COPZ1: variants seen among roughly 807,000 people sequenced by gnomAD.
COPZ1 encodes coatomer subunit zeta-1.
Under a neutral mutation model 31.7 loss-of-function variants are expected in COPZ1, and 4 were observed. The observed-to-expected ratio is 0.13, with a 90% confidence interval of 0.06 to 0.29. COPZ1 has a LOEUF of 0.29. Among genes scored for constraint, COPZ1 ranks in the 10% least tolerant of loss-of-function variants. COPZ1 has a pLI of 1.00. For missense variants in COPZ1, 156 were observed against 211.5 expected (o/e 0.74, Z 1.63); for synonymous variants, 74 against 79.0 (o/e 0.94, Z 0.33).
chr12:54,325,144 G>C lies in COPZ1; in HGVS notation c.-20G>C, dbSNP rs776758894. Reference sequence around the variant, plus strand: ...GGCGTTTCTTTTGCGGCTCCACGTCGGCACCAGCTGCGGGGCAAGATGGAG... The same window carrying C: ...GGCGTTTCTTTTGCGGCTCCACGTCCGCACCAGCTGCGGGGCAAGATGGAG... On this transcript the variant is annotated 5_prime_UTR_variant, in exon 1 of 9. Coordinates refer to ENST00000262061, the MANE Select transcript of COPZ1 (RefSeq NM_016057.3). 4 of 1,561,592 alleles carry C rather than the reference G, an allele frequency of 2.6e-6. No individual in the cohort carries two copies. The South Asian group carries it at 3.5e-5, about 14-fold the overall frequency.
At chr12:54,343,451 TCCCA>T in intron 4 of COPZ1, 135 bp downstream of exon 4, 1 of 701,978 alleles carries the variant, frequency 1.4e-6, no homozygotes, top group Admixed American at 2.5e-5. Flanking sequence ...TTGTCAGAGA[TCCCA>T]CCAGCCTCAC....
chr12:54,336,071 A>C (rs761642073), intron 1 of COPZ1, among the ~76,000 whole-genome samples: 12 of 152,140 alleles, frequency 7.9e-5, no homozygotes, highest in Non-Finnish European at 1.5e-4. Context: ...AAATGAATCA[A>C]ATAATTCATT....
chr12:54,325,206 A>T (rs1190821320), intron 1 of COPZ1, 25 bp downstream of exon 1: 1 of 1,555,522 alleles, frequency 6.4e-7, no homozygotes, highest in Non-Finnish European at 8.7e-7. Flanking sequence ...GGCAGCAGAG[A>T]TGCTGTGGTG....
chr12:54,350,351 G>A (rs1168882302), intron 8 of COPZ1, 125 bp from the exon 9 acceptor site: 3 of 830,538 alleles, frequency 3.6e-6, no homozygotes, highest in Non-Finnish European at 6.3e-6. Flanking sequence ...CTTTACCCTT[G>A]GGGATTTTCT....
intron 8 of COPZ1, chr12:54,350,260 T>C (rs761648789): frequency 5.4e-5 from 39 of 716,970 alleles, no homozygotes; most frequent in Non-Finnish European, 9.2e-5. Flanking sequence ...ACCTCTTCTC[T>C]CTTCATCCCC....
At chr12:54,349,703 A>G (rs1393543347) in intron 8 of COPZ1, 45 bp downstream of exon 8, 5 of 1,486,524 alleles carry the variant, frequency 3.4e-6, no homozygotes, top group Non-Finnish European at 4.7e-6. Flanking sequence ...GGGTCACTAA[A>G]GAGGCTAGAA....
At chr12:54,342,086 T>C in intron 2 of COPZ1, 120 bp from the exon 3 acceptor site, 1 of 694,520 alleles carries the variant, frequency 1.4e-6, no homozygotes, top group South Asian at 1.7e-5. Flanking sequence ...ATGTCAGTAT[T>C]TCTCCCTTGC....
intron 1 of COPZ1, 79 bp from the exon 2 acceptor site, chr12:54,340,468 G>C (rs764911919): frequency 2.5e-6 from 4 of 1,590,466 alleles, no homozygotes; most frequent in Admixed American, 3.7e-5. Flanking sequence ...TGCAGCCCCA[G>C]TGGGACTAGG....
chr12:54,343,271 T>C lies in COPZ1; in HGVS notation c.216T>C (p.Ser72=), dbSNP rs1434631892. The C allele has an allele frequency of 3.1e-6, 5 of 1,614,094 alleles. No homozygotes were observed. Among genetic ancestry groups the C allele is most frequent in the Non-Finnish European group, 4.2e-6 (5 of 1,179,954 alleles). The change falls in exon 4 of 9, where the codon AGT becomes AGC. Residue 72 remains serine (S), a synonymous_variant. Transcript: ENST00000262061. The part of the protein sequence containing the change: ...LEGLTVVYKS[S]IDLYFYVIGS... ...GCCTGACAGTGGTATACAAAAGCAG[T>C]ATAGATCTCTATTTCTATGTGATTG...
chr12:54,349,649 C>T lies in COPZ1; in HGVS notation c.477C>T (p.Thr159=), dbSNP rs115975751. 9.4e-5 allele frequency: 151 copies of T among 1,612,518 alleles called. 1 individual carries two copies. The African/African-American group carries it at 1.7e-3, about 18-fold the overall frequency. ...RGEDVPLTEQ[T]VSQVLQSAKE... ...AAGATGTCCCCCTTACGGAGCAGAC[C>T]GTGTCTCAGGTATGACTCTCCCTTC... Residue 159 remains threonine (T), a synonymous_variant, in exon 8 of 9, where the codon ACC becomes ACT. Transcript: ENST00000262061.
At chr12:54,328,005 G>T (rs1015072573) in intron 1 of COPZ1, among the ~76,000 whole-genome samples, 5 of 152,092 alleles carry the variant, frequency 3.3e-5, no homozygotes, top group African/African-American at 1.2e-4. Context: ...CAGTGCAGTG[G>T]CTCATGCCTG....
intron 8 of COPZ1, chr12:54,350,121 GT>G: frequency 3.2e-6 from 2 of 628,058 alleles, no homozygotes; most frequent in East Asian, 5.4e-5. Context: ...GAAGGGAGGG[GT>G]TCCGTTTTCT....
intron 1 of COPZ1, among the ~76,000 whole-genome samples, chr12:54,333,557 T>C (rs972347951): frequency 6.6e-6 from 1 of 152,048 alleles, no homozygotes; most frequent in Non-Finnish European, 1.5e-5. Flanking sequence ...GTACAAGTAT[T>C]GTAGCCAGGC....
intron 7 of COPZ1, among the ~76,000 whole-genome samples, chr12:54,348,504 C>T (rs1309504828): frequency 3.3e-4 from 50 of 151,982 alleles, no homozygotes; most frequent in Non-Finnish European, 1.5e-5. Context: ...TTTGGGAAGC[C>T]GAGGCTGGCG....
intron 1 of COPZ1, among the ~76,000 whole-genome samples, chr12:54,337,003 CAGAG>C (rs1196525650): frequency 9.6e-6 from 1 of 103,726 alleles, no homozygotes; most frequent in Admixed American, 1.6e-4. Flanking sequence ...GCCTGGGTGA[CAGAG>C]AGAGACTGTC....
intron 2 of COPZ1, among the ~76,000 whole-genome samples, chr12:54,341,399 C>T (rs79874790): frequency 6.6e-6 from 1 of 152,336 alleles, no homozygotes; most frequent in Non-Finnish European, 1.5e-5. Flanking sequence ...TCTCCCCCTC[C>T]TGTAGAAATT....
intron 2 of COPZ1, among the ~76,000 whole-genome samples, chr12:54,341,650 A>G (rs1953975581): frequency 6.6e-6 from 1 of 152,224 alleles, no homozygotes; most frequent in Non-Finnish European, 1.5e-5. Flanking sequence ...CCCCTTTGCC[A>G]GGGAGAGCCT....
In COPZ1 at chr12:54,331,097, C is replaced by T. The variant is rs1431494426; in HGVS notation, c.18+5916C>T. Among the ~76,000 whole-genome samples, 3 of 151,976 alleles carry T rather than the reference C, an allele frequency of 2.0e-5. No homozygotes were observed. In the South Asian group the frequency reaches 6.2e-4, roughly 32 times the overall value. On this transcript the variant is annotated intron_variant, in intron 1 of 8. Coordinates refer to ENST00000262061, the MANE Select transcript of COPZ1 (RefSeq NM_016057.3). The stretch of plus-strand genomic sequence containing the variant: ...ACCACACCCATCTCTTCAGGAAGTC[C>T]TTCCTGTTGTGTAATCTAAGTTATA...
At chr12:54,339,992 TGTGTGTG>T (rs1953945470) in intron 1 of COPZ1, among the ~76,000 whole-genome samples, 1 of 149,960 alleles carries the variant, frequency 6.7e-6, no homozygotes, top group African/African-American at 2.5e-5. Flanking sequence ...TGTGTGTGTG[TGTGTGTG>T]TGTGTGTGTG....
Sources: gnomAD v4.1 joint callset for allele counts (sites outside exome capture counted in the v4.1 genomes callset) on GRCh38, gnomAD v4.1.1 for gene constraint, MANE v1.5 for transcripts, NCBI Gene and HGNC (gene_info 2026-07-23, HGNC 2026-07-21) for gene names.